Variants in SLC44A5 observed in about 807,000 individuals in gnomAD.
SLC44A5 encodes the protein choline transporter-like protein 5.
A neutral mutation model predicts 101.8 loss-of-function variants in SLC44A5; 57 were observed. That is an observed-to-expected ratio of 0.56 (90% confidence interval 0.45 to 0.70). The LOEUF (loss-of-function observed/expected upper bound fraction) is 0.70, where lower values mean the gene tolerates loss of function less well. SLC44A5 is among the 30% of genes least tolerant of loss of function. The pLI, the probability that SLC44A5 is intolerant of heterozygous loss-of-function variation, is 0.00. For missense variants in SLC44A5, 737 were observed against 853.1 expected (o/e 0.86, Z 1.70); for synonymous variants, 281 against 290.9 (o/e 0.97, Z 0.35).
the SLC44A5 span, among the ~76,000 whole-genome samples, chr1:75,698,351 C>A: frequency 1.3e-5 from 2 of 152,168 alleles, no homozygotes; most frequent in African/African-American, 4.8e-5. Context: ...GACCCCTGAT[C>A]CCCGAGCAGC....
chr1:75,437,637 TCCAAGGTGAAGAAGGG>T lies in SLC44A5; in HGVS notation c.14-41032_14-41017del, dbSNP rs1250440825. On this transcript the variant is annotated intron_variant, in intron 2 of 23. Transcript: ENST00000370859. ...TATTGTTAATGAAATAACAGAGTTG[TCCAAGGTGAAGAAGGG>T]CCTATGGGGCATCACAGCGATGATA... Among the ~76,000 whole-genome samples, 3 of 152,180 alleles carry T rather than the reference TCCAAGGTGAAGAAGGG, an allele frequency of 2.0e-5. No individual in the cohort carries two copies. The East Asian group carries it at 5.8e-4, about 29-fold the overall frequency.
chr1:75,358,437 C>G (rs1270059746), intron 3 of SLC44A5, among the ~76,000 whole-genome samples: 1 of 151,994 alleles, frequency 6.6e-6, no homozygotes, highest in Admixed American at 6.6e-5. Flanking sequence ...TTTTTTCTAG[C>G]TTTATCAATG....
At chr1:75,300,991 T>C (rs913012062) in intron 4 of SLC44A5, among the ~76,000 whole-genome samples, 2 of 152,186 alleles carry the variant, frequency 1.3e-5, no homozygotes, top group Admixed American at 6.5e-5. Context: ...CCATTTTTTA[T>C]TTGAAATTGT....
At chr1:75,349,798 T>C (rs773008613) in intron 3 of SLC44A5, among the ~76,000 whole-genome samples, 5 of 152,166 alleles carry the variant, frequency 3.3e-5, no homozygotes, top group Non-Finnish European at 7.4e-5. Flanking sequence ...TATTATGGAC[T>C]TTGGTATTAT....
chr1:75,294,318 A>C (rs893243086), intron 5 of SLC44A5, among the ~76,000 whole-genome samples: 1 of 152,226 alleles, frequency 6.6e-6, no homozygotes, highest in South Asian at 2.1e-4. Flanking sequence ...TTATTATAAA[A>C]AAGACAAGAG....
intron 6 of SLC44A5, among the ~76,000 whole-genome samples, chr1:75,258,811 C>T (rs1035483404): frequency 7.9e-5 from 12 of 151,124 alleles, no homozygotes; most frequent in Admixed American, 2.0e-4. Context: ...CCCTCTGGGA[C>T]GAAGCTTCCA....
chr1:75,503,086 A>G (rs192529211), intron 2 of SLC44A5, among the ~76,000 whole-genome samples: 9 of 152,332 alleles, frequency 5.9e-5, no homozygotes, highest in Admixed American at 5.9e-4. Context: ...TTTTATTCGA[A>G]GTAATACAGC....
intron 2 of SLC44A5, among the ~76,000 whole-genome samples, chr1:75,519,282 G>C (rs1339496661): frequency 6.6e-6 from 1 of 152,142 alleles, no homozygotes; most frequent in African/African-American, 2.4e-5. Context: ...TATTGGCGAG[G>C]TGTGGTGGCT....
intron 20 of SLC44A5, 44 bp downstream of exon 20, chr1:75,214,561 G>T (rs1466101242): frequency 1.3e-6 from 2 of 1,494,956 alleles, no homozygotes; most frequent in Non-Finnish European, 1.9e-6. Context: ...AATGCTCAAG[G>T]TTCACTACAT....
intron 4 of SLC44A5, among the ~76,000 whole-genome samples, chr1:75,315,782 G>T (rs746634435): frequency 6.6e-6 from 1 of 151,974 alleles, no homozygotes; most frequent in Admixed American, 6.6e-5. Context: ...TCTCTGTGAG[G>T]TCCCAGATTT....
chr1:75,480,342 C>A (rs1169356755), intron 2 of SLC44A5, among the ~76,000 whole-genome samples: 1 of 152,160 alleles, frequency 6.6e-6, no homozygotes, highest in Non-Finnish European at 1.5e-5. Context: ...AAAACTGGCA[C>A]AAGACAGGGA....
At chr1:75,395,467 C>T (rs1260964798) in intron 3 of SLC44A5, among the ~76,000 whole-genome samples, 2 of 152,016 alleles carry the variant, frequency 1.3e-5, no homozygotes, top group Non-Finnish European at 2.9e-5. Flanking sequence ...ACCTTTCTAC[C>T]TTATATGATC....
intron 1 of SLC44A5, among the ~76,000 whole-genome samples, chr1:75,585,787 G>C (rs895041236): frequency 1.3e-5 from 2 of 151,850 alleles, no homozygotes; most frequent in African/African-American, 2.4e-5. Flanking sequence ...TTAAAGCATT[G>C]GTTCTCAAAC....
At chr1:75,358,252 T>G (rs1427388914) in intron 3 of SLC44A5, among the ~76,000 whole-genome samples, 1 of 152,188 alleles carries the variant, frequency 6.6e-6, no homozygotes, top group African/African-American at 2.4e-5. Flanking sequence ...CAACATACAG[T>G]GAATACATGG....
intron 3 of SLC44A5, among the ~76,000 whole-genome samples, chr1:75,340,859 GA>G (rs1171662596): frequency 2.0e-5 from 3 of 152,212 alleles, no homozygotes; most frequent in African/African-American, 7.2e-5. Context: ...CTGGCTTTCA[GA>G]AAGAAGTTAT....
intron 1 of SLC44A5, among the ~76,000 whole-genome samples, chr1:75,554,770 G>A (rs1282794738): frequency 6.6e-6 from 1 of 151,954 alleles, no homozygotes; most frequent in Non-Finnish European, 1.5e-5. Context: ...TTAGGGTAGG[G>A]TGTAAATAGA....
At chr1:75,715,084 T>C in the SLC44A5 span, among the ~76,000 whole-genome samples, 1 of 152,106 alleles carries the variant, frequency 6.6e-6, no homozygotes, top group Non-Finnish European at 1.5e-5. Flanking sequence ...GAAATATAGC[T>C]AACCAGGGAG....
At chr1:75,275,733 T>G (rs1651864203) in intron 5 of SLC44A5, among the ~76,000 whole-genome samples, 1 of 152,162 alleles carries the variant, frequency 6.6e-6, no homozygotes, top group African/African-American at 2.4e-5. Flanking sequence ...CTTAACTTGA[T>G]AGCTAGACCA....
intron 2 of SLC44A5, chr1:75,402,501 A>G: frequency 2.9e-6 from 1 of 348,212 alleles, no homozygotes; most frequent in Non-Finnish European, 6.0e-6. Flanking sequence ...CTCATCTCAT[A>G]GGGACTGGTT....
Sources: allele counts gnomAD v4.1 joint callset (sites outside exome capture counted in the v4.1 genomes callset), GRCh38; gene constraint gnomAD v4.1.1; transcripts MANE v1.5; gene names NCBI Gene and HGNC (gene_info 2026-07-23, HGNC 2026-07-21).